Variants in USP20 observed in about 807,000 individuals in gnomAD.
USP20 encodes ubiquitin specific peptidase 20.
In USP20, 80 loss-of-function variants were observed where a neutral mutation model predicts 124.2. The observed-to-expected ratio is 0.64, with a 90% CI of 0.54 to 0.78. The LOEUF (loss-of-function observed/expected upper bound fraction) is 0.78, where lower values mean the gene tolerates loss of function less well. Ranked by LOEUF, USP20 falls within the 30% of genes least tolerant of loss-of-function variation. USP20 has a pLI of 0.00. For missense variants in USP20, 1,043 were observed against 1,244.4 expected (o/e 0.84, Z 2.44); for synonymous variants, 481 against 512.3 (o/e 0.94, Z 0.83).
chr9:129,842,407 T>G (rs887539527), intron 1 of USP20, among the ~76,000 whole-genome samples: 1 of 152,150 alleles, frequency 6.6e-6, no homozygotes, highest in Non-Finnish European at 1.5e-5. Context: ...TATGGGACTC[T>G]GTACACTACA....
At position 129,868,904 on chromosome 9, in the gene USP20, G is replaced by A; in HGVS notation, c.1178G>A (p.Cys393Tyr). The A allele has an allele frequency of 4.3e-6, 7 of 1,609,668 alleles. No individual in the cohort carries two copies. The highest frequency in any genetic ancestry group is 5.9e-6 in the Non-Finnish European group (7 of 1,177,444). ...DAHLRSSSRP[C>Y]SPVHHHEGHA... ...CACCTACGCAGCTCCTCTCGCCCCT[G>A]CAGCCCCGTCCACCACCACGAGGGC... The change falls in exon 12 of 26, where the codon TGC becomes TAC. Residue 393 changes from cysteine to tyrosine, a missense_variant. Transcript: ENST00000372429.
intron 4 of USP20, 132 bp from the exon 5 acceptor site, chr9:129,857,918 G>T: frequency 1.3e-6 from 1 of 772,392 alleles, no homozygotes; most frequent in South Asian, 1.6e-5. Context: ...CTTTGAGATG[G>T]CAGAGCCTCA....
Position 129,879,693 on chromosome 9 carries a change from G to T in USP20, c.2584+49G>T. 6.2e-7 allele frequency: 1 copy of T among 1,605,630 alleles called. No homozygotes were observed. Among genetic ancestry groups the T allele is most frequent in the South Asian group, 1.1e-5 (1 of 90,860 alleles). ...AGGCTCCTCTCTGCCCTTCCTGGCT[G>T]CCAGGCTGCTGCCCAGTCCCGTCCT... On this transcript the variant is annotated intron_variant, in intron 24 of 25. Coordinates refer to ENST00000372429, the MANE Select transcript of USP20 (RefSeq NM_001110303.4). This position sits in a 1 kb window ranked among gnomAD's most constrained non-coding sequence, Gnocchi z 4.2.
At chr9:129,849,093 C>G (rs899224752) in intron 1 of USP20, among the ~76,000 whole-genome samples, 1 of 152,150 alleles carries the variant, frequency 6.6e-6, no homozygotes, top group Non-Finnish European at 1.5e-5. Context: ...CCTGAGGGGC[C>G]TGGTGGCATG....
At position 129,876,193 on chromosome 9, in the gene USP20, G is replaced by A. The variant is rs2034400038; in HGVS notation, c.2364G>A (p.Glu788=). The change falls in exon 22 of 26, where the codon GAG becomes GAA. Residue 788 remains glutamate, a synonymous_variant. Coordinates refer to ENST00000372429, the MANE Select transcript of USP20 (RefSeq NM_001110303.4). ...GCTCCATCTGCCAGGTGGAGATCGA[G>A]GCACTGGCCAAGCGCAGGAGGATCG... The part of the protein sequence containing the change: ...YVCSICQVEI[E]ALAKRRRIEI... 2 of 1,613,212 alleles carry A rather than the reference G, an allele frequency of 1.2e-6. No homozygotes were observed. The highest frequency in any genetic ancestry group is 1.3e-5 in the African/African-American group (1 of 74,942).
chr9:129,857,879 C>G lies in USP20; in HGVS notation c.136-171C>G, dbSNP rs140392032. On this transcript the variant is annotated intron_variant, in intron 4 of 25. Coordinates refer to ENST00000372429, the MANE Select transcript of USP20 (RefSeq NM_001110303.4). ...TGTCCATCACTGCCCAGCAGAACTT[C>G]AGGTGTACAGACCTACAGACCCGTG... Among the ~76,000 whole-genome samples, 8 of 152,342 alleles carry G rather than the reference C, an allele frequency of 5.3e-5. No individual in the cohort carries two copies. The East Asian group carries it at 1.4e-3, about 26-fold the overall frequency.
At chr9:129,848,236 C>T (rs1219056073) in intron 1 of USP20, among the ~76,000 whole-genome samples, 1 of 152,010 alleles carries the variant, frequency 6.6e-6, no homozygotes. Context: ...GCGGAGGTTG[C>T]GGTGAGCTGA....
chr9:129,844,592 C>G (rs868456991), intron 1 of USP20, among the ~76,000 whole-genome samples: 30 of 146,158 alleles, frequency 2.1e-4, no homozygotes, highest in African/African-American at 7.6e-4. Context: ...CCACTGCACT[C>G]CAGCCTGGGT....
chr9:129,854,957 G>A (rs2033136480), intron 3 of USP20, among the ~76,000 whole-genome samples: 1 of 152,172 alleles, frequency 6.6e-6, no homozygotes, highest in African/African-American at 2.4e-5. Flanking sequence ...GGGAAGCCAG[G>A]CTTTCTTGGT....
intron 9 of USP20, among the ~76,000 whole-genome samples, chr9:129,864,738 C>T (rs2033738659): frequency 6.9e-6 from 1 of 145,370 alleles, no homozygotes; most frequent in Admixed American, 7.0e-5. Flanking sequence ...CATGCCACTG[C>T]ACTCTAGCCT....
chr9:129,838,652 GA>G (rs2032014777), intron 1 of USP20, among the ~76,000 whole-genome samples: 1 of 152,154 alleles, frequency 6.6e-6, no homozygotes, highest in African/African-American at 2.4e-5. Flanking sequence ...CATGCTGCCT[GA>G]AAAGAGAGGA....
Position 129,860,992 on chromosome 9 carries a change from A to G in USP20, c.386A>G (p.Glu129Gly). The change falls in exon 7 of 26, where the codon GAA becomes GGA. Residue 129 changes from glutamate (E) to glycine (G), a missense_variant. By Grantham distance (98) the Glu-to-Gly change is moderately conservative. Transcript: ENST00000372429. Reference protein sequence around the residue: ...LKAVPIAVADEGESESEDDDL... With the variant: ...LKAVPIAVADGGESESEDDDL... ...GCTGTTCCTATTGCTGTGGCTGATG[A>G]AGGAGAGTCTGAGTCAGAGGACGAT... The G allele has an allele frequency of 6.3e-7, 1 of 1,597,564 alleles. No homozygotes were observed. The highest frequency in any genetic ancestry group is 8.6e-7 in the Non-Finnish European group (1 of 1,168,552).
At chr9:129,848,930 C>T (rs1015924106) in intron 1 of USP20, among the ~76,000 whole-genome samples, 2 of 152,250 alleles carry the variant, frequency 1.3e-5, no homozygotes, top group African/African-American at 4.8e-5. Flanking sequence ...GCCTCTCCCT[C>T]TTTGAGCTGT....
chr9:129,867,270 C>T (rs180715549), intron 10 of USP20, among the ~76,000 whole-genome samples: 2 of 152,294 alleles, frequency 1.3e-5, no homozygotes, highest in East Asian at 3.9e-4. Flanking sequence ...CAGTGGGGCT[C>T]ACTGGGCGCC....
intron 8 of USP20, among the ~76,000 whole-genome samples, chr9:129,862,144 G>A (rs1040507044): frequency 1.3e-5 from 2 of 152,198 alleles, no homozygotes; most frequent in South Asian, 2.1e-4. Context: ...ATATGTATGC[G>A]GGAAGCAGAG....
At chr9:129,867,476 G>A (rs537524587) in intron 10 of USP20, among the ~76,000 whole-genome samples, 2 of 152,276 alleles carry the variant, frequency 1.3e-5, no homozygotes, top group Admixed American at 1.3e-4. Context: ...AGGGACTGAG[G>A]GAGCAGGGGG....
intron 8 of USP20, among the ~76,000 whole-genome samples, chr9:129,862,925 TAA>T (rs201165706): frequency 3.0e-4 from 36 of 121,792 alleles, no homozygotes; most frequent in African/African-American, 1.0e-3. Flanking sequence ...ATAATAATAA[TAA>T]AAAAATAAGG....
At chr9:129,844,268 G>A (rs906684994) in intron 1 of USP20, among the ~76,000 whole-genome samples, 4 of 152,088 alleles carry the variant, frequency 2.6e-5, no homozygotes, top group African/African-American at 7.2e-5. Flanking sequence ...AGTGACATTA[G>A]AAATATATAA....
rs754769844 is a variant in USP20, at chr9:129,866,678, C to T, written c.690+1297C>T. ...ATCCCTTTCTGTGGTTTTAGGATAT[C>T]GTGTGGGGACACTTCTGAGGCTGAA... On this transcript the variant is annotated intron_variant, in intron 10 of 25. Transcript: ENST00000372429. 4.6e-5 allele frequency among the ~76,000 whole-genome samples: 7 copies of T among 152,210 alleles called. No homozygotes were observed. The East Asian group carries it at 5.8e-4, about 13-fold the overall frequency.
Sources: gnomAD v4.1 joint callset for allele counts (sites outside exome capture counted in the v4.1 genomes callset) on GRCh38, gnomAD v4.1.1 for gene constraint, Gnocchi (gnomAD v3.1) non-coding constraint, MANE v1.5 for transcripts, NCBI Gene and HGNC (gene_info 2026-07-23, HGNC 2026-07-21) for gene names.